KLHL7: variants seen among roughly 807,000 people sequenced by gnomAD.
The protein encoded by KLHL7 is kelch like family member 7, also known as kelch-like protein 7.
KLHL7 carries 44 observed loss-of-function variants against 67.4 expected under a neutral mutation model. The ratio of observed to expected loss-of-function variants is 0.65; its 90% CI spans 0.51 to 0.84. The LOEUF (loss-of-function observed/expected upper bound fraction) is 0.84. Ranked by LOEUF, KLHL7 falls within the 40% of genes least tolerant of loss-of-function variation. KLHL7 has a pLI of 0.00. For missense variants in KLHL7, 362 were observed against 718.1 expected, an observed-to-expected ratio of 0.50 and a Z score of 5.67; for synonymous variants, 252 against 243.3, an observed-to-expected ratio of 1.04 and a Z score of -0.33.
At chr7:23,151,083 G>T (rs1784516186) in intron 6 of KLHL7, among the ~76,000 whole-genome samples, 1 of 149,234 alleles carries the variant, frequency 6.7e-6, no homozygotes, top group African/African-American at 2.4e-5. Flanking sequence ...ATTTCATATA[G>T]TTAAGTCTGA....
chr7:23,125,878 C>G, intron 4 of KLHL7: 1 of 1,547,762 alleles, frequency 6.5e-7, no homozygotes. Flanking sequence ...CCACCCTTAT[C>G]TGCAGGATAC....
chr7:23,122,233 AT>A (rs2128459636), intron 1 of KLHL7, among the ~76,000 whole-genome samples: 1 of 152,224 alleles, frequency 6.6e-6, no homozygotes, highest in Non-Finnish European at 1.5e-5. Flanking sequence ...TTTTTGCTGT[AT>A]TTTGGTTTAA....
intron 4 of KLHL7, among the ~76,000 whole-genome samples, chr7:23,131,282 T>G (rs772222359): frequency 2.0e-5 from 3 of 152,190 alleles, no homozygotes; most frequent in Non-Finnish European, 4.4e-5. Context: ...ATTAACTGCC[T>G]TTGAAAATTT....
chr7:23,157,486 TCTTTGAAGG>T (rs1157466182), intron 7 of KLHL7, among the ~76,000 whole-genome samples: 1 of 152,216 alleles, frequency 6.6e-6, no homozygotes, highest in Non-Finnish European at 1.5e-5. Flanking sequence ...TCTCCCTGAT[TCTTTGAAGG>T]CAGTTTGTTA....
chr7:23,155,314 C>A (rs965818885), intron 7 of KLHL7, among the ~76,000 whole-genome samples: 15 of 152,042 alleles, frequency 9.9e-5, no homozygotes, highest in Non-Finnish European at 1.9e-4. Context: ...GAGTGAAGAA[C>A]AGGAAAATTA....
intron 1 of KLHL7, among the ~76,000 whole-genome samples, chr7:23,108,881 A>G (rs1411248237): frequency 6.6e-6 from 1 of 152,280 alleles, no homozygotes; most frequent in Non-Finnish European, 1.5e-5. Context: ...TCCTTGTGGT[A>G]TATAGTATCC....
intron 2 of KLHL7, among the ~76,000 whole-genome samples, chr7:23,124,137 G>C (rs1449924037): frequency 7.6e-6 from 1 of 131,654 alleles, no homozygotes; most frequent in Non-Finnish European, 1.6e-5. Context: ...GTTGCAGTGA[G>C]CCGAGATTGC....
chr7:23,170,266 T>C (rs1785119290), intron 9 of KLHL7, among the ~76,000 whole-genome samples: 1 of 152,130 alleles, frequency 6.6e-6, no homozygotes, highest in Admixed American at 6.5e-5. Context: ...GCCAAGTTTT[T>C]TTTAATAAGA....
chr7:23,172,751 T>A (rs555084592), intron 9 of KLHL7, 197 bp from the exon 10 acceptor site: 1 of 523,160 alleles, frequency 1.9e-6, no homozygotes, highest in East Asian at 3.1e-5. Context: ...ATAAAATCCA[T>A]GTTTTCCCCG....
At chr7:23,121,680 C>CTTT (rs72158823) in intron 1 of KLHL7, among the ~76,000 whole-genome samples, 238 of 134,196 alleles carry the variant, frequency 1.8e-3, no homozygotes, top group African/African-American at 6.4e-3. Flanking sequence ...CAGTCCCATC[C>CTTT]TTTTTTTTTT....
chr7:23,106,190 C>T (rs1192743205), intron 1 of KLHL7, 44 bp downstream of exon 1: 5 of 1,597,334 alleles, frequency 3.1e-6, no homozygotes, highest in Non-Finnish European at 4.3e-6. Context: ...GGAGGTGGTC[C>T]GGGGCTCGGG....
intron 5 of KLHL7, among the ~76,000 whole-genome samples, chr7:23,142,722 C>A (rs915944101): frequency 1.3e-5 from 2 of 151,786 alleles, no homozygotes; most frequent in Admixed American, 6.6e-5. Context: ...GAAGGACATT[C>A]TCAACAAAAT....
chr7:23,109,795 A>G (rs1461325242), intron 1 of KLHL7, among the ~76,000 whole-genome samples: 2 of 152,158 alleles, frequency 1.3e-5, no homozygotes, highest in East Asian at 3.8e-4. Flanking sequence ...AGTGTTTTAC[A>G]TGCTTTGTCT....
chr7:23,111,257 A>G (rs548794618), intron 1 of KLHL7, among the ~76,000 whole-genome samples: 2 of 152,328 alleles, frequency 1.3e-5, no homozygotes, highest in African/African-American at 4.8e-5. Flanking sequence ...TGACTCAAGT[A>G]GAGGGAACAA....
rs536595366 is a variant in KLHL7, at chr7:23,145,849, G to A, written c.793+1824G>A. On this transcript the variant is annotated intron_variant, in intron 6 of 10. Transcript: ENST00000339077. Reference sequence around the variant, plus strand: ...CGGCACGAGTGATCCTTTCACCTCAGCCTCCCAAGTAGCTGGGACTACAGG... The same window carrying A: ...CGGCACGAGTGATCCTTTCACCTCAACCTCCCAAGTAGCTGGGACTACAGG... Among the ~76,000 whole-genome samples, 51 of 152,262 alleles carry A rather than the reference G, an allele frequency of 3.3e-4. 1 individual carries two copies. The highest frequency in any genetic ancestry group is 1.2e-3 in the African/African-American group (50 of 41,558).
intron 4 of KLHL7, among the ~76,000 whole-genome samples, chr7:23,130,556 A>G (rs1048156042): frequency 6.6e-6 from 1 of 152,214 alleles, no homozygotes; most frequent in African/African-American, 2.4e-5. Context: ...GAAAATACAT[A>G]TGTGCTGAGG....
intron 9 of KLHL7, among the ~76,000 whole-genome samples, chr7:23,170,544 T>C (rs1170701629): frequency 6.6e-6 from 1 of 152,210 alleles, no homozygotes; most frequent in Non-Finnish European, 1.5e-5. Flanking sequence ...ATTTATTGTA[T>C]ATTTCAAAAT....
chr7:23,142,051 T>G (rs1179052619), intron 5 of KLHL7, among the ~76,000 whole-genome samples: 2 of 152,064 alleles, frequency 1.3e-5, no homozygotes, highest in Admixed American at 6.6e-5. Flanking sequence ...CTCAAGTAGC[T>G]GGGATTATAG....
At chr7:23,119,334 A>C (rs1783233644) in intron 1 of KLHL7, among the ~76,000 whole-genome samples, 1 of 152,086 alleles carries the variant, frequency 6.6e-6, no homozygotes, top group Non-Finnish European at 1.5e-5. Flanking sequence ...CCTCCTGAGT[A>C]GCTGGGATTA....
Sources: allele counts gnomAD v4.1 joint callset (sites outside exome capture counted in the v4.1 genomes callset), GRCh38; gene constraint gnomAD v4.1.1; transcripts MANE v1.5; gene names NCBI Gene and HGNC (gene_info 2026-07-23, HGNC 2026-07-21).